The following KLHL14 variants were observed in gnomAD, a reference collection of about 807,000 sequenced individuals.
The protein encoded by KLHL14 is kelch-like protein 14.
KLHL14 carries 22 observed loss-of-function variants against 64.3 expected under a neutral mutation model. That is an observed-to-expected ratio of 0.34 (90% CI 0.24 to 0.49). The LOEUF (loss-of-function observed/expected upper bound fraction) is 0.49, where lower values mean the gene tolerates loss of function less well. Ranked by LOEUF, KLHL14 falls within the 20% of genes least tolerant of loss-of-function variation. The pLI, the probability that KLHL14 is intolerant of heterozygous loss-of-function variation, is 0.99. For synonymous variants in KLHL14, 322 were observed against 333.4 expected (o/e 0.97, Z 0.37); for missense variants, 661 against 789.0 (o/e 0.84, Z 1.94).
intron 4 of KLHL14, among the ~76,000 whole-genome samples, chr18:32,689,350 A>G (rs1182529515): frequency 1.3e-5 from 2 of 152,216 alleles, no homozygotes; most frequent in Non-Finnish European, 2.9e-5. Context: ...CCAACATAGG[A>G]AAAGAATGCT....
chr18:32,716,281 G>A (rs757031162), intron 3 of KLHL14, among the ~76,000 whole-genome samples: 24 of 151,990 alleles, frequency 1.6e-4, no homozygotes, highest in Non-Finnish European at 3.1e-4. Flanking sequence ...TTCAGAGAGC[G>A]GGCAAAGCCA....
chr18:32,675,917 A>T (rs2049809069), intron 8 of KLHL14, among the ~76,000 whole-genome samples: 1 of 152,188 alleles, frequency 6.6e-6, no homozygotes, highest in African/African-American at 2.4e-5. Context: ...TTATGTCACA[A>T]TCTTGTTAGA....
chr18:32,705,760 A>G (rs945888283), intron 3 of KLHL14, among the ~76,000 whole-genome samples: 13 of 152,308 alleles, frequency 8.5e-5, no homozygotes, highest in East Asian at 1.9e-4. Context: ...TATTATTACA[A>G]TATCAACTTT....
chr18:32,765,224 G>A (rs1449952381), intron 2 of KLHL14, among the ~76,000 whole-genome samples: 1 of 152,184 alleles, frequency 6.6e-6, no homozygotes, highest in East Asian at 1.9e-4. Context: ...CGCAGTAGCA[G>A]TTGTAAATAA....
At chr18:32,739,710 AATAG>A in intron 3 of KLHL14, among the ~76,000 whole-genome samples, 1 of 152,028 alleles carries the variant, frequency 6.6e-6, no homozygotes, top group African/African-American at 2.4e-5. Flanking sequence ...AAATAGAGTC[AATAG>A]ATAGATACCC....
chr18:32,753,339 T>G (rs1274361114), intron 2 of KLHL14, among the ~76,000 whole-genome samples: 1 of 152,130 alleles, frequency 6.6e-6, no homozygotes, highest in Non-Finnish European at 1.5e-5. Flanking sequence ...ATCAACAACT[T>G]TGTTGGCTGT....
At position 32,770,720 on chromosome 18, in the gene KLHL14, G is replaced by A. The variant is rs369221461; in HGVS notation, c.-43-86C>T. The A allele has an allele frequency of 1.1e-5, 6 of 528,090 alleles. 1 individual carries two copies. The highest frequency in any genetic ancestry group is 1.7e-5 in the Non-Finnish European group (6 of 347,200). The allele number at this position is 528,090 out of a possible 1,614,324, so 32.7% of individuals were successfully genotyped here. A position where few individuals can be genotyped will look rare whatever the true frequency, so the allele number is the denominator to read the frequency against. ...TGGTCGGGGTGGGGAAGGGTGTGGAGGGGAGGGGAGGGCGAAGAACAAGAA... is the reference window on the plus strand; with the variant it reads ...TGGTCGGGGTGGGGAAGGGTGTGGAAGGGAGGGGAGGGCGAAGAACAAGAA... On this transcript the variant is annotated intron_variant, in intron 1 of 8. Coordinates refer to ENST00000359358, the MANE Select transcript of KLHL14 (RefSeq NM_020805.3). This position sits in a 1 kb window ranked among gnomAD's most constrained non-coding sequence, Gnocchi z 6.7.
At chr18:32,693,411 CACAGAGAG>C (rs1275736457) in intron 4 of KLHL14, among the ~76,000 whole-genome samples, 10 of 113,066 alleles carry the variant, frequency 8.8e-5, no homozygotes, top group East Asian at 7.0e-4. Flanking sequence ...CACACACACA[CACAGAGAG>C]AGAGAGAGAG....
At chr18:32,707,603 T>C (rs1454187730) in intron 3 of KLHL14, among the ~76,000 whole-genome samples, 2 of 152,210 alleles carry the variant, frequency 1.3e-5, no homozygotes, top group Non-Finnish European at 2.9e-5. Context: ...TTTGGTGTGT[T>C]CTAGAAGATG....
chr18:32,735,917 T>C (rs560015065), intron 3 of KLHL14, among the ~76,000 whole-genome samples: 17 of 152,198 alleles, frequency 1.1e-4, no homozygotes, highest in Non-Finnish European at 2.4e-4. Flanking sequence ...TGAGATCATT[T>C]ATTCTTTCAG....
At chr18:32,698,594 C>T (rs2049947769) in intron 3 of KLHL14, among the ~76,000 whole-genome samples, 2 of 152,102 alleles carry the variant, frequency 1.3e-5, no homozygotes, top group South Asian at 4.1e-4. Context: ...CCACTTCCCT[C>T]CATTTAAAAA....
At chr18:32,724,880 G>A (rs559991046) in intron 3 of KLHL14, among the ~76,000 whole-genome samples, 2 of 152,138 alleles carry the variant, frequency 1.3e-5, no homozygotes, top group South Asian at 2.1e-4. Flanking sequence ...CATCAAGCTA[G>A]TTACGTCTGC....
At chr18:32,688,381 G>T (rs547827894) in intron 4 of KLHL14, among the ~76,000 whole-genome samples, 2 of 152,234 alleles carry the variant, frequency 1.3e-5, no homozygotes, top group East Asian at 3.9e-4. Flanking sequence ...ATGTATTCTA[G>T]ACTCTGGAAA....
At chr18:32,744,980 TC>T (rs1371596267) in intron 2 of KLHL14, 6 of 152,132 alleles carry the variant, frequency 3.9e-5, no homozygotes, top group Non-Finnish European at 7.3e-5. Flanking sequence ...AATGAAAGAT[TC>T]CACACAACTA....
intron 3 of KLHL14, among the ~76,000 whole-genome samples, chr18:32,729,509 T>G (rs573482140): frequency 6.6e-6 from 1 of 152,130 alleles, no homozygotes; most frequent in African/African-American, 2.4e-5. Flanking sequence ...TACATTGTAA[T>G]AGGATTTGTT....
At chr18:32,744,072 G>C (rs1435501214) in intron 2 of KLHL14, 1 of 152,214 alleles carries the variant, frequency 6.6e-6, no homozygotes, top group African/African-American at 2.4e-5. Flanking sequence ...GGGTAGATCA[G>C]TATCAACAGG....
intron 3 of KLHL14, among the ~76,000 whole-genome samples, chr18:32,698,281 C>G (rs142872452): frequency 6.6e-6 from 1 of 152,106 alleles, no homozygotes; most frequent in Non-Finnish European, 1.5e-5. Flanking sequence ...GCCTCGCCCT[C>G]GCAAGCAGAT....
intron 2 of KLHL14, among the ~76,000 whole-genome samples, chr18:32,763,435 C>A (rs554481788): frequency 4.0e-5 from 6 of 151,480 alleles, no homozygotes; most frequent in Non-Finnish European, 5.9e-5. Context: ...TTGTAAATGC[C>A]ACATCTCCAA....
rs376145476 is a variant in KLHL14, at chr18:32,731,987, G to A, written c.1069+9941C>T. ...TGTAATCCCAGCACTTTGGGAGGCC[G>A]AGGCGGGTGGATCACCTGAGGTCAG... is the stretch of plus-strand genomic sequence containing the variant. On this transcript the variant is annotated intron_variant, in intron 3 of 8. Transcript: ENST00000359358. Among the ~76,000 whole-genome samples the A allele has an allele frequency of 9.2e-5, 14 of 152,184 alleles. No individual in the cohort carries two copies. In the East Asian group the frequency reaches 2.1e-3, roughly 23 times the overall value.
Sources: allele counts gnomAD v4.1 joint callset (sites outside exome capture counted in the v4.1 genomes callset), GRCh38; gene constraint gnomAD v4.1.1; non-coding constraint Gnocchi (gnomAD v3.1); transcripts MANE v1.5; gene names NCBI Gene and HGNC (gene_info 2026-07-23, HGNC 2026-07-21).